Variants in MRGPRF observed in about 807,000 individuals in gnomAD.
The protein encoded by MRGPRF is MAS related GPR family member F.
A neutral mutation model predicts 3.3 loss-of-function variants in MRGPRF; 2 were observed. That is an observed-to-expected ratio of 0.61 (90% CI 0.25 to 1.92). The LOEUF (loss-of-function observed/expected upper bound fraction) is 1.92. MRGPRF is among the 40% of genes most tolerant of loss of function. MRGPRF has a pLI of 0.16. For missense variants in MRGPRF, 500 were observed against 476.0 expected, an observed-to-expected ratio of 1.05 and a Z score of -0.47; for synonymous variants, 242 against 222.7, an observed-to-expected ratio of 1.09 and a Z score of -0.77.
Position 69,006,043 on chromosome 11 carries a change from A to G in MRGPRF, c.267T>C (p.Asp89=). The change falls in exon 3 of 3, where the codon GAT becomes GAC. Residue 89 remains aspartate (D), a synonymous_variant. Transcript: ENST00000309099. ...CCGCCTTGCTGAAGAGGTAGCCCAC[A>G]TCGGCGCTGGCCAGGTGCAGGAAGT... ...SIYFLHLASA[D]VGYLFSKAVF... The G allele has an allele frequency of 1.3e-6, 2 of 1,584,752 alleles. No individual in the cohort carries two copies. The highest frequency in any genetic ancestry group is 1.3e-5 in the African/African-American group (1 of 74,434).
Position 69,005,109 on chromosome 11 carries a change from A to C in MRGPRF, c.*169T>G. 1 of 820,746 alleles carries C rather than the reference A, an allele frequency of 1.2e-6. No homozygotes were observed. Among genetic ancestry groups the C allele is most frequent in the Middle Eastern group, 3.7e-4 (1 of 2,694 alleles). The allele number at this position is 820,746 out of a possible 1,614,324, so 50.8% of individuals were successfully genotyped here. A position where few individuals can be genotyped will look rare whatever the true frequency, so the allele number is the denominator to read the frequency against. On this transcript the variant is annotated 3_prime_UTR_variant, in exon 3 of 3. Coordinates refer to ENST00000309099, the MANE Select transcript of MRGPRF (RefSeq NM_145015.5). ...AGGGTCTGTTTGCTGGTGGCTGCCC[A>C]GTCTCCCAGCCACCCCTGGAGTCCC... is the stretch of plus-strand genomic sequence containing the variant.
chr11:69,004,948 T>G lies in MRGPRF; in HGVS notation c.*330A>C. 3.6e-6 allele frequency: 1 copy of G among 278,208 alleles called. No individual in the cohort carries two copies. Among genetic ancestry groups the G allele is most frequent in the South Asian group, 8.2e-5 (1 of 12,174 alleles). 17.2% of individuals were successfully genotyped at this position (278,208 alleles called of 1,614,324 possible). A position where few individuals can be genotyped will look rare whatever the true frequency, so the allele number is the denominator to read the frequency against. On this transcript the variant is annotated 3_prime_UTR_variant, in exon 3 of 3. Transcript: ENST00000309099. ...GGAGGGCTGACCCAAGAGGCAGAGGTGGCTAGGCTGGGTGTTGACCTCCTC... is the reference window on the plus strand; with the variant it reads ...GGAGGGCTGACCCAAGAGGCAGAGGGGGCTAGGCTGGGTGTTGACCTCCTC...
upstream of MRGPRF, chr11:69,013,347 T>A (rs1860645695): frequency 6.6e-6 from 1 of 152,090 alleles, no homozygotes; most frequent in South Asian, 2.1e-4. Context: ...TGAGCGGGGA[T>A]GAGGCTTCAG....
intron 2 of MRGPRF, among the ~76,000 whole-genome samples, chr11:69,008,019 A>C (rs1300480097): frequency 2.0e-5 from 3 of 152,188 alleles, no homozygotes; most frequent in Non-Finnish European, 4.4e-5. Context: ...GAGAGGGAGC[A>C]CAGTGGCAAA....
In MRGPRF at chr11:69,005,818, G is replaced by A. The variant is rs200591830; in HGVS notation, c.492C>T (p.Cys164=). ...GGAGGGACAGGACCCACAGCAGGGC[G>A]CACACCACGGCCGACAGGCGCTTGG... is the stretch of plus-strand genomic sequence containing the variant. ...RRPKRLSAVV[C]ALLWVLSLLV... Residue 164 remains cysteine (C), a synonymous_variant, in exon 3 of 3, where the codon TGC becomes TGT. Coordinates refer to ENST00000309099, the MANE Select transcript of MRGPRF (RefSeq NM_145015.5). 3.9e-4 allele frequency: 592 copies of A among 1,530,782 alleles called. No homozygotes were observed. Among genetic ancestry groups the A allele is most frequent in the Non-Finnish European group, 5.0e-4 (570 of 1,138,724 alleles). 94.8% of individuals were successfully genotyped at this position (1,530,782 alleles called of 1,614,324 possible).
chr11:69,005,757 G>C lies in MRGPRF; in HGVS notation c.553C>G (p.Leu185Val), dbSNP rs959677869. The C allele has an allele frequency of 1.3e-6, 2 of 1,548,640 alleles. No individual in the cohort carries two copies. The highest frequency in any genetic ancestry group is 2.0e-5 in the Admixed American group (1 of 50,832). The change falls in exon 3 of 3, where the codon CTG (leucine) becomes GTG (valine). Residue 185 changes from leucine to valine, a missense_variant. Coordinates refer to ENST00000309099, the MANE Select transcript of MRGPRF (RefSeq NM_145015.5). ...GCCGCGCCGGGGGCCCCGCGGCCCAGGAACACGCAGAAGTAGTTGTGCAGG... is the reference window on the plus strand; with the variant it reads ...GCCGCGCCGGGGGCCCCGCGGCCCACGAACACGCAGAAGTAGTTGTGCAGG... ...TCLHNYFCVF[L>V]GRGAPGAACR...
At chr11:69,009,695 C>G (rs770990676) in intron 2 of MRGPRF, 159 bp downstream of exon 2, 1 of 846,632 alleles carries the variant, frequency 1.2e-6, no homozygotes, top group Non-Finnish European at 1.9e-6. Context: ...AACTTGTGCC[C>G]GGCCACATAG....
At position 69,005,950 on chromosome 11, in the gene MRGPRF, C is replaced by T; in HGVS notation, c.360G>A (p.Arg120=). ...TAAGGAACATGCAGAGCCCCAGGACCCGGCACACGCTGCGGATGTAGTCGG... is the reference window on the plus strand; with the variant it reads ...TAAGGAACATGCAGAGCCCCAGGACTCGGCACACGCTGCGGATGTAGTCGG... The part of the protein sequence containing the change: ...TFADYIRSVC[R]VLGLCMFLTG... Residue 120 remains arginine, a synonymous_variant, in exon 3 of 3, where the codon CGG becomes CGA. Transcript: ENST00000309099. 5 of 1,570,760 alleles carry T rather than the reference C, an allele frequency of 3.2e-6. No individual in the cohort carries two copies. Among genetic ancestry groups the T allele is most frequent in the Non-Finnish European group, 4.3e-6 (5 of 1,158,320 alleles).
At chr11:69,012,465 G>A (rs1408611201) in intron 1 of MRGPRF, 1 of 152,282 alleles carries the variant, frequency 6.6e-6, no homozygotes, top group Non-Finnish European at 1.5e-5. Context: ...GGCTTGTCTG[G>A]GGGGACTGAG....
In MRGPRF at chr11:69,005,974, G is replaced by A. The variant is rs1296499509; in HGVS notation, c.336C>T (p.Ala112=). The A allele has an allele frequency of 1.9e-6, 3 of 1,565,688 alleles. No homozygotes were observed. Among genetic ancestry groups the A allele is most frequent in the African/African-American group, 1.4e-5 (1 of 73,946 alleles). The part of the protein sequence containing the change: ...LNTGGFLGTF[A]DYIRSVCRVL... ...CCCGGCACACGCTGCGGATGTAGTC[G>A]GCAAACGTGCCCAGGAAGCCCCCCG... The change falls in exon 3 of 3, where the codon GCC becomes GCT. Residue 112 remains alanine (A), a synonymous_variant. Coordinates refer to ENST00000309099, the MANE Select transcript of MRGPRF (RefSeq NM_145015.5).
chr11:69,009,822 C>G (rs1485267631), intron 2 of MRGPRF, 32 bp downstream of exon 2: 1 of 1,603,032 alleles, frequency 6.2e-7, no homozygotes. Context: ...CCCGTCTGGG[C>G]AAGACCAGGG....
intron 2 of MRGPRF, chr11:69,009,602 A>C: frequency 1.6e-6 from 1 of 611,800 alleles, no homozygotes; most frequent in Non-Finnish European, 2.9e-6. Context: ...AGGCGACCAC[A>C]GTGTCAGCAC....
intron 2 of MRGPRF, among the ~76,000 whole-genome samples, chr11:69,007,650 A>G (rs2154012651): frequency 6.6e-6 from 1 of 152,350 alleles, no homozygotes; most frequent in East Asian, 1.9e-4. Flanking sequence ...AAAATCTTGC[A>G]ATGTTTCAAC....
In MRGPRF at chr11:69,007,630, C is replaced by T. The variant is rs948858537; in HGVS notation, c.49-1369G>A. Among the ~76,000 whole-genome samples, 13 of 152,224 alleles carry T rather than the reference C, an allele frequency of 8.5e-5. No homozygotes were observed. The East Asian group carries it at 2.5e-3, about 29-fold the overall frequency. On this transcript the variant is annotated intron_variant, in intron 2 of 2. Transcript: ENST00000309099. ...AGGTGAGGTATTGGCGGGCATTGTA[C>T]TATTCTTGCAAAATCTTGCAATGTT...
intron 2 of MRGPRF, among the ~76,000 whole-genome samples, chr11:69,009,084 A>G (rs1450366283): frequency 6.6e-6 from 1 of 152,114 alleles, no homozygotes; most frequent in African/African-American, 2.4e-5. Flanking sequence ...GCCACTCCAC[A>G]GCGGTCACTA....
intron 1 of MRGPRF, 106 bp downstream of exon 1, chr11:69,012,977 C>G (rs1034778613): frequency 1.3e-5 from 2 of 153,206 alleles, no homozygotes; most frequent in African/African-American, 4.8e-5. Context: ...GCGTCCACCT[C>G]TCTGCCCCTA....
At chr11:69,011,805 C>G (rs1860602938) in intron 1 of MRGPRF, among the ~76,000 whole-genome samples, 1 of 152,184 alleles carries the variant, frequency 6.6e-6, no homozygotes. Flanking sequence ...GGAGCCTCAT[C>G]CATTCACCCT....
At chr11:69,008,865 A>C (rs1860537363) in intron 2 of MRGPRF, among the ~76,000 whole-genome samples, 1 of 152,206 alleles carries the variant, frequency 6.6e-6, no homozygotes, top group South Asian at 2.1e-4. Context: ...GTATGCATGC[A>C]CGCTGGAAAA....
At chr11:69,010,552 G>C (rs2154012893) in intron 1 of MRGPRF, among the ~76,000 whole-genome samples, 1 of 152,344 alleles carries the variant, frequency 6.6e-6, no homozygotes, top group Middle Eastern at 3.4e-3. Flanking sequence ...CCATCATCTG[G>C]TTTGGTCCTC....
Sources: allele counts gnomAD v4.1 joint callset (sites outside exome capture counted in the v4.1 genomes callset), GRCh38; gene constraint gnomAD v4.1.1; transcripts MANE v1.5; gene names NCBI Gene and HGNC (gene_info 2026-07-23, HGNC 2026-07-21).